DCLRE1B: variants seen among roughly 807,000 people sequenced by gnomAD.
The protein encoded by DCLRE1B is DNA cross-link repair 1B, also known as 5' exonuclease Apollo.
DCLRE1B carries 6 observed loss-of-function variants against 19.8 expected under a neutral mutation model. The observed-to-expected ratio is 0.30, with a 90% CI of 0.17 to 0.60. DCLRE1B has a LOEUF of 0.60. Ranked by LOEUF, DCLRE1B falls within the 20% of genes least tolerant of loss-of-function variation. DCLRE1B has a pLI of 0.87. For missense variants in DCLRE1B, 622 were observed against 654.2 expected, an observed-to-expected ratio of 0.95 and a Z score of 0.54; for synonymous variants, 258 against 255.7, an observed-to-expected ratio of 1.01 and a Z score of -0.09.
At chr1:113,907,437 T>G (rs1402510741) in intron 2 of DCLRE1B, among the ~76,000 whole-genome samples, 1 of 151,894 alleles carries the variant, frequency 6.6e-6, no homozygotes, top group Non-Finnish European at 1.5e-5. Flanking sequence ...ATGAGCATAG[T>G]GACCCCATCT....
intron 1 of DCLRE1B, 79 bp downstream of exon 1, chr1:113,905,854 A>T: frequency 6.8e-7 from 1 of 1,463,210 alleles, no homozygotes; most frequent in East Asian, 2.4e-5. Flanking sequence ...TTGGAGTCAT[A>T]GAATGGGGGC....
In DCLRE1B at chr1:113,907,193, C is replaced by T. The variant is rs558295215; in HGVS notation, c.355+32C>T. 159 of 842,220 alleles carry T rather than the reference C, an allele frequency of 1.9e-4. No individual in the cohort carries two copies. The South Asian group carries it at 2.7e-3, about 14-fold the overall frequency. 52.2% of individuals were successfully genotyped at this position (842,220 alleles called of 1,614,324 possible). ...CTCTCAAGGAATCCCAGTGACTTCTCCAGACTAGATGTTTTTTTTTTTTTT... is the reference window on the plus strand; with the variant it reads ...CTCTCAAGGAATCCCAGTGACTTCTTCAGACTAGATGTTTTTTTTTTTTTT... On this transcript the variant is annotated intron_variant, in intron 2 of 3. Coordinates refer to ENST00000650450, the MANE Select transcript of DCLRE1B (RefSeq NM_022836.4).
intron 2 of DCLRE1B, 57 bp downstream of exon 2, chr1:113,907,218 T>TAAA: frequency 1.6e-6 from 2 of 1,228,936 alleles, no homozygotes; most frequent in Non-Finnish European, 2.2e-6. Flanking sequence ...TTTTTTTTTT[T>TAAA]TTTTTTTTTT....
upstream of DCLRE1B, chr1:113,904,623 A>G: frequency 6.2e-7 from 1 of 1,613,914 alleles, no homozygotes. Context: ...TCGCTGGATG[A>G]CATTCCGGTA....
rs773799103 is a variant in DCLRE1B, at chr1:113,907,167, C to G, written c.355+6C>G. The G allele has an allele frequency of 2.5e-5, 38 of 1,505,394 alleles. No individual in the cohort carries two copies. Among genetic ancestry groups the G allele is most frequent in the Middle Eastern group, 3.8e-4 (2 of 5,204 alleles). The allele number at this position is 1,505,394 out of a possible 1,614,324, so 93.3% of individuals were successfully genotyped here. A position where few individuals can be genotyped will look rare whatever the true frequency, so the allele number is the denominator to read the frequency against. On this transcript the variant is annotated splice_donor_region_variant and intron_variant, in intron 2 of 3. Coordinates refer to ENST00000650450, the MANE Select transcript of DCLRE1B (RefSeq NM_022836.4). ...TGGAACCATCCTCTACACAGGTGGGCCTCTCAAGGAATCCCAGTGACTTCT... is the reference window on the plus strand; with the variant it reads ...TGGAACCATCCTCTACACAGGTGGGGCTCTCAAGGAATCCCAGTGACTTCT...
At chr1:113,906,559 C>G (rs1235488792) in intron 1 of DCLRE1B, among the ~76,000 whole-genome samples, 1 of 151,038 alleles carries the variant, frequency 6.6e-6, no homozygotes, top group Non-Finnish European at 1.5e-5. Context: ...GGCGCAAACT[C>G]GGCTCACTGC....
chr1:113,906,150 G>A (rs1486978060), intron 1 of DCLRE1B, among the ~76,000 whole-genome samples: 7 of 145,240 alleles, frequency 4.8e-5, no homozygotes, highest in Non-Finnish European at 9.0e-5. Flanking sequence ...TCCGCCTCCC[G>A]GGTTCAAGCG....
At position 113,905,972 on chromosome 1, in the gene DCLRE1B, G is replaced by A. The variant is rs28381070; in HGVS notation, c.189+197G>A. 0.017 allele frequency among the ~76,000 whole-genome samples: 2,565 copies of A among 151,656 alleles called. 34 individuals carry two copies. Among genetic ancestry groups the A allele is most frequent in the Non-Finnish European group, 0.024 (1,606 of 67,968 alleles). On this transcript the variant is annotated intron_variant, in intron 1 of 3. Coordinates refer to ENST00000650450, the MANE Select transcript of DCLRE1B (RefSeq NM_022836.4). ...TTGAGATAGTTAGCCATAAGTTGAG[G>A]AGATATTTTAATCCAGCCAAGGAAA... is the stretch of plus-strand genomic sequence containing the variant.
Position 113,912,947 on chromosome 1 carries a change from G to A in DCLRE1B, c.*756G>A, listed in dbSNP as rs1669321211. Reference sequence around the variant, plus strand: ...GCCCAGCTGAACAACAAGGCTTTGGGTGTGAAGGGACTCCCCAGCCTGGAG... The same window carrying A: ...GCCCAGCTGAACAACAAGGCTTTGGATGTGAAGGGACTCCCCAGCCTGGAG... On this transcript the variant is annotated 3_prime_UTR_variant, in exon 4 of 4. Coordinates refer to ENST00000650450, the MANE Select transcript of DCLRE1B (RefSeq NM_022836.4). 1 of 152,704 alleles carries A rather than the reference G, an allele frequency of 6.5e-6. No homozygotes were observed. The highest frequency in any genetic ancestry group is 2.4e-5 in the African/African-American group (1 of 41,436). The allele number at this position is 152,704 out of a possible 1,614,324, so 9.5% of individuals were successfully genotyped here.
intron 3 of DCLRE1B, among the ~76,000 whole-genome samples, chr1:113,910,066 T>C (rs969031960): frequency 3.5e-4 from 53 of 152,196 alleles, no homozygotes; most frequent in Admixed American, 1.0e-3. Context: ...AATTAATGTC[T>C]CCATTTCTTT....
intron 3 of DCLRE1B, among the ~76,000 whole-genome samples, chr1:113,910,516 T>C (rs1268174999): frequency 6.6e-6 from 1 of 152,152 alleles, no homozygotes; most frequent in East Asian, 1.9e-4. Flanking sequence ...TTGTTTTTTT[T>C]TAAGAGACAG....
Position 113,913,448 on chromosome 1 carries a change from A to G in DCLRE1B, c.*1257A>G, listed in dbSNP as rs1288024942. 2.0e-5 allele frequency: 3 copies of G among 152,796 alleles called. No individual in the cohort carries two copies. The highest frequency in any genetic ancestry group is 4.8e-5 in the African/African-American group (2 of 41,458). The allele number at this position is 152,796 out of a possible 1,614,324, so 9.5% of individuals were successfully genotyped here. On this transcript the variant is annotated 3_prime_UTR_variant, in exon 4 of 4. Transcript: ENST00000650450. ...AGCTATACACAGCTCTGTTTTGTCA[A>G]TGACCTTTGTTGTAAGTCTCCCAAC... is the stretch of plus-strand genomic sequence containing the variant.
Position 113,912,916 on chromosome 1 carries a change from C to T in DCLRE1B, c.*725C>T, listed in dbSNP as rs758375340. ...TTGGGCAGCTCTCTCCAAGGCAGTA[C>T]CTAGAGCCCAGCTGAACAACAAGGC... On this transcript the variant is annotated 3_prime_UTR_variant, in exon 4 of 4. Coordinates refer to ENST00000650450, the MANE Select transcript of DCLRE1B (RefSeq NM_022836.4). The T allele has an allele frequency of 2.5e-4, 38 of 152,604 alleles. No individual in the cohort carries two copies. The highest frequency in any genetic ancestry group is 2.5e-3 in the Admixed American group (38 of 15,280). The allele number at this position is 152,604 out of a possible 1,614,324, so 9.5% of individuals were successfully genotyped here. A position where few individuals can be genotyped will look rare whatever the true frequency, so the allele number is the denominator to read the frequency against.
At chr1:113,905,895 C>A in intron 1 of DCLRE1B, 120 bp downstream of exon 1, 1 of 1,172,220 alleles carries the variant, frequency 8.5e-7, no homozygotes, top group Non-Finnish European at 1.2e-6. Context: ...TTGTTTGAAC[C>A]CAAAAATGCA....
Position 113,911,786 on chromosome 1 carries a change from G to A in DCLRE1B, c.1194G>A (p.Lys398=). The change falls in exon 4 of 4, where the codon AAG becomes AAA. Residue 398 remains lysine (K), a synonymous_variant. Coordinates refer to ENST00000650450, the MANE Select transcript of DCLRE1B (RefSeq NM_022836.4). ...QPSHHPLRIK[K]QLFPDLYSKE... is the part of the protein sequence containing the mutation. ...CCCACCATCCTTTGCGGATCAAGAA[G>A]CAGTTGTTCCCAGATCTCTATAGCA... The A allele has an allele frequency of 6.2e-7, 1 of 1,614,194 alleles. No individual in the cohort carries two copies. The highest frequency in any genetic ancestry group is 8.5e-7 in the Non-Finnish European group (1 of 1,180,042).
chr1:113,907,148 C>T lies in DCLRE1B; in HGVS notation c.342C>T (p.Thr114=), dbSNP rs769392393. The T allele has an allele frequency of 1.2e-6, 2 of 1,601,166 alleles. No individual in the cohort carries two copies. The highest frequency in any genetic ancestry group is 1.7e-6 in the Non-Finnish European group (2 of 1,173,426). Residue 114 remains threonine (T), a synonymous_variant, in exon 2 of 4, where the codon ACC becomes ACT. Transcript: ENST00000650450. ...VMFLFEGYFG[T]ILYTGDFRYT... ...TTCTCTTTGAAGGATATTTTGGAAC[C>T]ATCCTCTACACAGGTGGGCCTCTCA...
chr1:113,911,431 C>A lies in DCLRE1B; in HGVS notation c.839C>A (p.Ser280Tyr), dbSNP rs752017671. 6.2e-7 allele frequency: 1 copy of A among 1,614,204 alleles called. No individual in the cohort carries two copies. Among genetic ancestry groups the A allele is most frequent in the Non-Finnish European group, 8.5e-7 (1 of 1,180,048 alleles). Reference sequence around the variant, plus strand: ...CCTTACTCTGACCATTCCTCTTACTCCGAGCTTCGTGCCTTTGTCGCAGCA... The same window carrying A: ...CCTTACTCTGACCATTCCTCTTACTACGAGCTTCGTGCCTTTGTCGCAGCA... ...VIPYSDHSSY[S>Y]ELRAFVAALK... The change falls in exon 4 of 4, where the codon TCC becomes TAC. Residue 280 changes from serine (S) to tyrosine (Y), a missense_variant. Ser to Tyr is a moderately radical substitution (Grantham distance 144, BLOSUM62 -2). This residue lies in a region of DCLRE1B where 382 missense variants were observed against 412.5 expected (regional missense o/e 0.93). Coordinates refer to ENST00000650450, the MANE Select transcript of DCLRE1B (RefSeq NM_022836.4).
At chr1:113,907,204 G>GGTTTTTTTTTTTT (rs1553261613) in intron 2 of DCLRE1B, 43 bp downstream of exon 2, 1 of 465,990 alleles carries the variant, frequency 2.1e-6, no homozygotes, top group Non-Finnish European at 2.9e-6. Context: ...CAGACTAGAT[G>GGTTTTTTTTTTTT]TTTTTTTTTT....
At chr1:113,911,103 T>C (rs779237729) in intron 3 of DCLRE1B, 28 bp from the exon 4 acceptor site, 1 of 1,550,624 alleles carries the variant, frequency 6.4e-7, no homozygotes, top group Non-Finnish European at 8.7e-7. Flanking sequence ...CTTCTCTTAC[T>C]TTCCCCAATA....
Sources: allele counts gnomAD v4.1 joint callset (sites outside exome capture counted in the v4.1 genomes callset), GRCh38; gene constraint gnomAD v4.1.1; regional missense constraint gnomAD v4.1.1; transcripts MANE v1.5; gene names NCBI Gene and HGNC (gene_info 2026-07-23, HGNC 2026-07-21).